The following XRCC4 variants were observed in gnomAD, a reference collection of about 807,000 sequenced individuals.
The protein encoded by XRCC4 is X-ray repair cross complementing 4.
XRCC4 carries 28 observed loss-of-function variants against 39.1 expected under a neutral mutation model. The ratio of observed to expected loss-of-function variants is 0.72; its 90% CI spans 0.53 to 0.98. The LOEUF (loss-of-function observed/expected upper bound fraction) is 0.98. Ranked by LOEUF, XRCC4 falls within the 50% of genes least tolerant of loss-of-function variation. XRCC4 has a pLI of 0.00. For synonymous variants in XRCC4, 123 were observed against 126.4 expected (o/e 0.97, Z 0.18); for missense variants, 350 against 376.4 (o/e 0.93, Z 0.58).
chr5:83,256,506 A>C (rs1419049902), intron 6 of XRCC4, among the ~76,000 whole-genome samples: 1 of 152,108 alleles, frequency 6.6e-6, no homozygotes, highest in Non-Finnish European at 1.5e-5. Context: ...TCCAGTTTAC[A>C]AATCTATAAC....
intron 7 of XRCC4, among the ~76,000 whole-genome samples, chr5:83,329,487 A>G (rs578243155): frequency 6.6e-6 from 1 of 150,578 alleles, no homozygotes; most frequent in African/African-American, 2.4e-5. Context: ...GGAAAAGCAC[A>G]AATAGTTTTG....
intron 7 of XRCC4, among the ~76,000 whole-genome samples, chr5:83,284,016 TAA>T (rs2112960637): frequency 3.1e-5 from 3 of 96,404 alleles, no homozygotes; most frequent in African/African-American, 1.2e-4. Flanking sequence ...TTCATAAACT[TAA>T]GTCACTTCCC....
At chr5:83,106,313 C>G (rs1268717698) in intron 2 of XRCC4, among the ~76,000 whole-genome samples, 1 of 152,098 alleles carries the variant, frequency 6.6e-6, no homozygotes, top group Admixed American at 6.6e-5. Flanking sequence ...AAGAGCAGTT[C>G]TAACAACACA....
At chr5:83,367,539 A>G in the XRCC4 span, among the ~76,000 whole-genome samples, 3,144 of 152,174 alleles carry the variant, frequency 0.021, 108 homozygotes, top group African/African-American at 0.071. Flanking sequence ...TCCCTGAAAG[A>G]GCTTCCTCAG....
At chr5:83,371,619 G>A in the XRCC4 span, among the ~76,000 whole-genome samples, 1 of 152,180 alleles carries the variant, frequency 6.6e-6, no homozygotes, top group South Asian at 2.1e-4. Flanking sequence ...AGCACTTTCA[G>A]TGGAGTGATG....
the XRCC4 span, among the ~76,000 whole-genome samples, chr5:83,374,332 G>A: frequency 6.6e-6 from 1 of 152,152 alleles, no homozygotes; most frequent in Non-Finnish European, 1.5e-5. Flanking sequence ...GATTTTATAA[G>A]GGGCTTCCCC....
chr5:83,275,211 G>C (rs1012643782), intron 7 of XRCC4, among the ~76,000 whole-genome samples: 1 of 152,026 alleles, frequency 6.6e-6, no homozygotes, highest in Middle Eastern at 3.2e-3. Flanking sequence ...TGGGTAAATG[G>C]TGCAGCTTTC....
intron 3 of XRCC4, among the ~76,000 whole-genome samples, chr5:83,188,745 C>G (rs909332415): frequency 6.6e-6 from 1 of 152,086 alleles, no homozygotes; most frequent in Non-Finnish European, 1.5e-5. Flanking sequence ...TGGCAGTTTT[C>G]AGCTTATTTT....
At chr5:83,302,462 G>C (rs143221251) in intron 7 of XRCC4, among the ~76,000 whole-genome samples, 4 of 152,246 alleles carry the variant, frequency 2.6e-5, no homozygotes, top group Non-Finnish European at 5.9e-5. Flanking sequence ...CCGATCCCTT[G>C]CGCTTCCCAG....
chr5:83,136,460 G>T (rs1747903271), intron 3 of XRCC4, among the ~76,000 whole-genome samples: 1 of 152,096 alleles, frequency 6.6e-6, no homozygotes, highest in Non-Finnish European at 1.5e-5. Flanking sequence ...AAGTTGTGTT[G>T]CTCCTCATTG....
intron 7 of XRCC4, among the ~76,000 whole-genome samples, chr5:83,328,017 C>A (rs1012121244): frequency 3.9e-5 from 6 of 152,004 alleles, no homozygotes; most frequent in African/African-American, 1.4e-4. Flanking sequence ...TAAAGACATG[C>A]CTGAGATTGG....
At chr5:83,248,121 G>A (rs929114663) in intron 6 of XRCC4, among the ~76,000 whole-genome samples, 2 of 152,082 alleles carry the variant, frequency 1.3e-5, no homozygotes, top group Non-Finnish European at 2.9e-5. Flanking sequence ...CAAGAGTTGA[G>A]CAGAATACTC....
At chr5:83,152,996 T>C (rs1322880999) in intron 3 of XRCC4, among the ~76,000 whole-genome samples, 1 of 152,190 alleles carries the variant, frequency 6.6e-6, no homozygotes, top group Non-Finnish European at 1.5e-5. Context: ...AAGTCACAAA[T>C]ACGTTTCTAT....
chr5:83,109,338 A>G (rs1005969005), intron 2 of XRCC4, among the ~76,000 whole-genome samples: 8 of 151,938 alleles, frequency 5.3e-5, no homozygotes, highest in African/African-American at 1.4e-4. Flanking sequence ...TATTAATCCC[A>G]GCTTCACTAG....
At chr5:83,337,328 T>A (rs1756624104) in intron 7 of XRCC4, among the ~76,000 whole-genome samples, 1 of 152,174 alleles carries the variant, frequency 6.6e-6, no homozygotes, top group African/African-American at 2.4e-5. Flanking sequence ...ACTCCTTCCA[T>A]TGAGAGGTAG....
intron 3 of XRCC4, among the ~76,000 whole-genome samples, chr5:83,116,711 T>G (rs970447530): frequency 3.5e-5 from 5 of 141,370 alleles, no homozygotes; most frequent in African/African-American, 1.3e-4. Context: ...AACCTCTGCC[T>G]CCCAGGTTCA....
intron 6 of XRCC4, among the ~76,000 whole-genome samples, chr5:83,229,026 C>T (rs1015887170): frequency 1.3e-5 from 2 of 151,796 alleles, no homozygotes; most frequent in African/African-American, 2.4e-5. Context: ...GACCCAGTTC[C>T]ATTTGGAGAC....
chr5:83,348,445 G>A (rs1444926105), intron 7 of XRCC4, among the ~76,000 whole-genome samples: 1 of 152,250 alleles, frequency 6.6e-6, no homozygotes, highest in East Asian at 1.9e-4. Flanking sequence ...ACCAAGGCTT[G>A]AGGCTTGCAC....
At chr5:83,267,659 A>G (rs1051527098) in intron 7 of XRCC4, among the ~76,000 whole-genome samples, 3 of 152,174 alleles carry the variant, frequency 2.0e-5, no homozygotes, top group Admixed American at 2.0e-4. Flanking sequence ...GCAGGGCAGC[A>G]TACCCACAAT....
Sources: allele counts gnomAD v4.1 joint callset (sites outside exome capture counted in the v4.1 genomes callset), GRCh38; gene constraint gnomAD v4.1.1; transcripts MANE v1.5; gene names NCBI Gene and HGNC (gene_info 2026-07-23, HGNC 2026-07-21).